The following GRIK3 variants were observed in gnomAD, a reference collection of about 807,000 sequenced individuals.
The protein encoded by GRIK3 is glutamate receptor ionotropic, kainate 3.
A neutral mutation model predicts 102.5 loss-of-function variants in GRIK3; 29 were observed. The ratio of observed to expected loss-of-function variants is 0.28; its 90% confidence interval spans 0.21 to 0.39. GRIK3 has a LOEUF of 0.39. GRIK3 is among the 10% of genes least tolerant of loss of function. GRIK3 has a pLI of 1.00. For synonymous variants in GRIK3, 511 were observed against 504.9 expected (o/e 1.01, Z -0.16); for missense variants, 908 against 1,252.4 (o/e 0.73, Z 4.15).
intron 1 of GRIK3, among the ~76,000 whole-genome samples, chr1:37,026,697 A>T (rs1242918516): frequency 6.6e-6 from 1 of 152,182 alleles, no homozygotes; most frequent in Non-Finnish European, 1.5e-5. Flanking sequence ...TTTATAGATG[A>T]GGAAATGGAA....
At chr1:36,886,035 A>T (rs1315803752) in intron 2 of GRIK3, among the ~76,000 whole-genome samples, 1 of 152,216 alleles carries the variant, frequency 6.6e-6, no homozygotes, top group Non-Finnish European at 1.5e-5. Flanking sequence ...GCCCTGGGTC[A>T]ATTCCAGGCC....
chr1:36,872,914 C>G lies in GRIK3; in HGVS notation c.551-545G>C, dbSNP rs769944835. ...CCAGCCTCAGTGGTACTAACCTGTACCAACCACTGGGCTGGGTAAGGCCAG... is the reference window on the plus strand; with the variant it reads ...CCAGCCTCAGTGGTACTAACCTGTAGCAACCACTGGGCTGGGTAAGGCCAG... On this transcript the variant is annotated intron_variant, in intron 3 of 15. Coordinates refer to ENST00000373091, the MANE Select transcript of GRIK3 (RefSeq NM_000831.4). The surrounding 1 kb of genome is among the most constrained non-coding windows in gnomAD (Gnocchi z 5.9). Among the ~76,000 whole-genome samples the G allele has an allele frequency of 2.6e-5, 4 of 152,262 alleles. No homozygotes were observed. The highest frequency in any genetic ancestry group is 5.9e-5 in the Non-Finnish European group (4 of 68,040).
chr1:36,893,354 T>A (rs1050070190), intron 1 of GRIK3, among the ~76,000 whole-genome samples: 2 of 152,060 alleles, frequency 1.3e-5, no homozygotes, highest in African/African-American at 2.4e-5. Context: ...AATACTCCCA[T>A]AGAAAAATGT....
chr1:36,812,579 A>C (rs978673853), intron 13 of GRIK3, among the ~76,000 whole-genome samples: 1 of 152,052 alleles, frequency 6.6e-6, no homozygotes, highest in African/African-American at 2.4e-5. Flanking sequence ...GGAGGACAAC[A>C]CAGGAGACGC....
chr1:37,028,313 T>C (rs917873306), intron 1 of GRIK3, among the ~76,000 whole-genome samples: 1 of 151,980 alleles, frequency 6.6e-6, no homozygotes, highest in South Asian at 2.1e-4. Flanking sequence ...CCCAGAACAG[T>C]GGGATCCCTG....
intron 1 of GRIK3, among the ~76,000 whole-genome samples, chr1:36,963,557 A>G (rs1642039146): frequency 6.6e-6 from 1 of 152,118 alleles, no homozygotes; most frequent in Non-Finnish European, 1.5e-5. Flanking sequence ...GCTCCCTTTG[A>G]ACATCTGAGG....
At position 36,880,974 on chromosome 1, in the gene GRIK3, T is replaced by C. The variant is rs1640969370; in HGVS notation, c.293-83A>G. On this transcript the variant is annotated intron_variant, in intron 2 of 15. Transcript: ENST00000373091. The surrounding 1 kb of genome is among the most constrained non-coding windows in gnomAD (Gnocchi z 5.4). ...AGTGATGCTGATGATCCTGTAAACA[T>C]GTGGGAAAAACAGCAACTGGAACCC... The C allele has an allele frequency of 4.8e-6, 7 of 1,451,092 alleles. No individual in the cohort carries two copies. The highest frequency in any genetic ancestry group is 6.5e-6 in the Non-Finnish European group (7 of 1,080,066). 89.9% of individuals were successfully genotyped at this position (1,451,092 alleles called of 1,614,324 possible). A position where few individuals can be genotyped will look rare whatever the true frequency, so the allele number is the denominator to read the frequency against.
At chr1:36,834,053 C>A (rs758214196) in intron 10 of GRIK3, among the ~76,000 whole-genome samples, 4 of 152,202 alleles carry the variant, frequency 2.6e-5, no homozygotes, top group Non-Finnish European at 4.4e-5. Context: ...TCCACCCAGC[C>A]CAGAACACTT....
chr1:36,890,644 T>C (rs1641102751), intron 2 of GRIK3, among the ~76,000 whole-genome samples: 1 of 152,176 alleles, frequency 6.6e-6, no homozygotes, highest in Non-Finnish European at 1.5e-5. Context: ...TGGTACTTCC[T>C]ACGTGCCAGC....
At chr1:36,957,901 G>A (rs1400611001) in intron 1 of GRIK3, among the ~76,000 whole-genome samples, 2 of 84,382 alleles carry the variant, frequency 2.4e-5, no homozygotes, top group East Asian at 4.1e-4. Context: ...TGTGTGCCCT[G>A]TGAGTCTGTG....
chr1:37,020,809 A>G (rs1178075575), intron 1 of GRIK3, among the ~76,000 whole-genome samples: 1 of 152,108 alleles, frequency 6.6e-6, no homozygotes, highest in African/African-American at 2.4e-5. Flanking sequence ...CCCACCACCC[A>G]TACTAGAAAA....
Position 37,030,517 on chromosome 1 carries a change from C to T in GRIK3, c.115+3477G>A, listed in dbSNP as rs948849370. On this transcript the variant is annotated intron_variant, in intron 1 of 15. Transcript: ENST00000373091. ...AGATGCTCAGAGTCCAGAGCTGGGC[C>T]AACCCTTCCTTTTCCCCACCCCCCA... Among the ~76,000 whole-genome samples the T allele has an allele frequency of 4.0e-5, 6 of 150,148 alleles. No individual in the cohort carries two copies. In the East Asian group the frequency reaches 1.2e-3, roughly 29 times the overall value.
intron 2 of GRIK3, among the ~76,000 whole-genome samples, chr1:36,887,771 A>AATATAT (rs71053957): frequency 1.9e-5 from 2 of 106,740 alleles, no homozygotes; most frequent in South Asian, 3.3e-4. Context: ...AAAAAAAAAA[A>AATATAT]ATATATATAT....
chr1:36,839,638 G>C (rs1035016410), intron 10 of GRIK3, among the ~76,000 whole-genome samples: 23 of 152,152 alleles, frequency 1.5e-4, no homozygotes, highest in African/African-American at 5.6e-4. Context: ...TTATGAAGTA[G>C]GTCCTATTAA....
At chr1:36,938,438 C>T (rs771588588) in intron 1 of GRIK3, among the ~76,000 whole-genome samples, 9 of 152,332 alleles carry the variant, frequency 5.9e-5, no homozygotes, top group South Asian at 2.1e-4. Context: ...CCTTGACCTG[C>T]TACTGCCGGG....
intron 1 of GRIK3, among the ~76,000 whole-genome samples, chr1:36,941,506 G>T (rs1641719029): frequency 6.6e-6 from 1 of 152,102 alleles, no homozygotes. Flanking sequence ...GCTGCCTTTG[G>T]CTCCCATGCT....
At chr1:36,856,984 G>C (rs775073453) in intron 7 of GRIK3, among the ~76,000 whole-genome samples, 1 of 152,168 alleles carries the variant, frequency 6.6e-6, no homozygotes, top group Non-Finnish European at 1.5e-5. Context: ...CACCTGCTAC[G>C]AGCCAGGCGT....
rs1641966742 is a variant in GRIK3, at chr1:36,959,119, G to A, written c.116-68023C>T. Among the ~76,000 whole-genome samples, 3 of 126,416 alleles carry A rather than the reference G, an allele frequency of 2.4e-5. 1 individual carries two copies. Among genetic ancestry groups the A allele is most frequent in the Admixed American group, 7.8e-5 (1 of 12,860 alleles). The allele number at this position is 126,416 out of a possible 152,430, so 82.9% of individuals were successfully genotyped here. On this transcript the variant is annotated intron_variant, in intron 1 of 15. Coordinates refer to ENST00000373091, the MANE Select transcript of GRIK3 (RefSeq NM_000831.4). ...CTGTGAGTCTGTGCCCCATGACTCT[G>A]TGCCCCATGAACCTGTGTGTCCTGT...
At chr1:36,953,861 G>A (rs767935646) in intron 1 of GRIK3, among the ~76,000 whole-genome samples, 2 of 152,164 alleles carry the variant, frequency 1.3e-5, no homozygotes, top group South Asian at 4.1e-4. Context: ...CCCTGGAGGG[G>A]AAGCACAGAG....
Sources: gnomAD v4.1 joint callset for allele counts (sites outside exome capture counted in the v4.1 genomes callset) on GRCh38, gnomAD v4.1.1 for gene constraint, Gnocchi (gnomAD v3.1) non-coding constraint, MANE v1.5 for transcripts, NCBI Gene and HGNC (gene_info 2026-07-23, HGNC 2026-07-21) for gene names.